VWC2L: variants seen among roughly 807,000 people sequenced by gnomAD.
VWC2L encodes the protein von Willebrand factor C domain-containing protein 2-like.
A neutral mutation model predicts 21.6 loss-of-function variants in VWC2L; 10 were observed. The ratio of observed to expected loss-of-function variants is 0.46; its 90% CI spans 0.29 to 0.78. The LOEUF is 0.78. VWC2L is among the 30% of genes least tolerant of loss of function. The probability of loss-of-function intolerance (pLI) is 0.10; values close to 1 mark genes in which losing one functional copy is unlikely to be tolerated. For synonymous variants in VWC2L, 96 were observed against 94.3 expected (o/e 1.02, Z -0.10); for missense variants, 209 against 277.1 (o/e 0.75, Z 1.74).
At chr2:214,473,320 A>C (rs150019308) in intron 3 of VWC2L, among the ~76,000 whole-genome samples, 159 of 152,322 alleles carry the variant, frequency 1.0e-3, no homozygotes, top group African/African-American at 3.7e-3. Flanking sequence ...TGTAACAGAT[A>C]AACCCCCAAT....
chr2:214,561,103 A>G (rs6724852), intron 3 of VWC2L, among the ~76,000 whole-genome samples: 111,457 of 152,132 alleles, frequency 0.73, 41,376 homozygotes, highest in East Asian at 0.83. Flanking sequence ...TTTAGCCTGC[A>G]TCAGACTTAT....
At chr2:214,563,285 C>G (rs188980764) in intron 3 of VWC2L, among the ~76,000 whole-genome samples, 5 of 151,944 alleles carry the variant, frequency 3.3e-5, no homozygotes, top group African/African-American at 1.2e-4. Flanking sequence ...CGGTGGTGCA[C>G]GCCTGTAATC....
chr2:214,432,774 C>A (rs558645530), intron 2 of VWC2L, among the ~76,000 whole-genome samples: 1 of 152,228 alleles, frequency 6.6e-6, no homozygotes, highest in Non-Finnish European at 1.5e-5. Flanking sequence ...ATAGTCCTAG[C>A]ACTTTGGGAG....
At chr2:214,536,173 T>C (rs1186693656) in intron 3 of VWC2L, among the ~76,000 whole-genome samples, 1 of 152,152 alleles carries the variant, frequency 6.6e-6, no homozygotes, top group Non-Finnish European at 1.5e-5. Context: ...AATGTTGGAA[T>C]GTTGAATTAA....
At chr2:214,561,898 T>G (rs978064283) in intron 3 of VWC2L, among the ~76,000 whole-genome samples, 2 of 151,204 alleles carry the variant, frequency 1.3e-5, no homozygotes, top group African/African-American at 4.9e-5. Flanking sequence ...ATTTTCAACA[T>G]GTAATTGATA....
Position 214,492,295 on chromosome 2 carries a change from C to T in VWC2L, c.520+55537C>T, listed in dbSNP as rs116552844. Among the ~76,000 whole-genome samples, 523 of 152,230 alleles carry T rather than the reference C, an allele frequency of 3.4e-3. 3 individuals carry two copies. Among genetic ancestry groups the T allele is most frequent in the African/African-American group, 0.012 (485 of 41,540 alleles). On this transcript the variant is annotated intron_variant, in intron 3 of 3. Coordinates refer to ENST00000312504, the MANE Select transcript of VWC2L (RefSeq NM_001080500.4). Reference sequence around the variant, plus strand: ...GTAGAGGTTGGGATCAGGGATGCACCGCACTCAGAGTGTGATGTGTGACAA... The same window carrying T: ...GTAGAGGTTGGGATCAGGGATGCACTGCACTCAGAGTGTGATGTGTGACAA...
chr2:214,565,214 T>C (rs1216265863), intron 3 of VWC2L, among the ~76,000 whole-genome samples: 1 of 151,880 alleles, frequency 6.6e-6, no homozygotes, highest in African/African-American at 2.4e-5. Context: ...TTTTAAGCAA[T>C]AAGAAAAAAA....
At chr2:214,476,508 G>A (rs73987347) in intron 3 of VWC2L, among the ~76,000 whole-genome samples, 9,798 of 152,016 alleles carry the variant, frequency 0.064, 1,008 homozygotes, top group African/African-American at 0.22. Flanking sequence ...TAACTTACCC[G>A]GCTTTCCATA....
chr2:214,522,893 A>G (rs1414063729), intron 3 of VWC2L, among the ~76,000 whole-genome samples: 1 of 152,206 alleles, frequency 6.6e-6, no homozygotes, highest in African/African-American at 2.4e-5. Context: ...TACGGAAAAA[A>G]TAAAGAATAT....
At chr2:214,546,729 G>A (rs1318640362) in intron 3 of VWC2L, among the ~76,000 whole-genome samples, 1 of 152,010 alleles carries the variant, frequency 6.6e-6, no homozygotes, top group East Asian at 1.9e-4. Context: ...ATAGAAAATT[G>A]TTTTTAGCAA....
intron 3 of VWC2L, among the ~76,000 whole-genome samples, chr2:214,540,547 C>G (rs1689609933): frequency 1.3e-5 from 2 of 152,166 alleles, no homozygotes. Context: ...ATCTTTAACT[C>G]TGGCCTATAA....
chr2:214,478,526 G>C (rs1347792873), intron 3 of VWC2L, among the ~76,000 whole-genome samples: 1 of 151,676 alleles, frequency 6.6e-6, no homozygotes, highest in Non-Finnish European at 1.5e-5. Context: ...TGCTGATTTT[G>C]TATGTGAATA....
chr2:214,509,369 T>G (rs1444302520), intron 3 of VWC2L, among the ~76,000 whole-genome samples: 1 of 152,186 alleles, frequency 6.6e-6, no homozygotes, highest in Non-Finnish European at 1.5e-5. Context: ...CTATTATAAC[T>G]CTACTTGCTA....
chr2:214,428,098 G>A (rs999828068), intron 2 of VWC2L, among the ~76,000 whole-genome samples: 2 of 152,190 alleles, frequency 1.3e-5, no homozygotes, highest in African/African-American at 2.4e-5. Context: ...CACAGCCATT[G>A]CAAATGGACG....
At chr2:214,417,305 T>C (rs1479856572) in intron 2 of VWC2L, among the ~76,000 whole-genome samples, 1 of 151,940 alleles carries the variant, frequency 6.6e-6, no homozygotes, top group Non-Finnish European at 1.5e-5. Context: ...GAAACCAAAA[T>C]CTCTGCTCAC....
At chr2:214,474,960 T>C (rs1327284284) in intron 3 of VWC2L, among the ~76,000 whole-genome samples, 1 of 152,160 alleles carries the variant, frequency 6.6e-6, no homozygotes, top group African/African-American at 2.4e-5. Flanking sequence ...CTTTGGTTCC[T>C]TGTGGAAATG....
At chr2:214,472,853 C>T (rs1280808458) in intron 3 of VWC2L, among the ~76,000 whole-genome samples, 1 of 152,170 alleles carries the variant, frequency 6.6e-6, no homozygotes, top group Non-Finnish European at 1.5e-5. Flanking sequence ...TGATGGCAGG[C>T]TTGTCATTTC....
intron 2 of VWC2L, among the ~76,000 whole-genome samples, chr2:214,422,802 A>G (rs1426918691): frequency 6.6e-6 from 1 of 152,240 alleles, no homozygotes; most frequent in East Asian, 1.9e-4. Context: ...TAAAGTGACA[A>G]GAAAGATCAT....
At chr2:214,558,427 T>C (rs533005605) in intron 3 of VWC2L, among the ~76,000 whole-genome samples, 1 of 152,328 alleles carries the variant, frequency 6.6e-6, no homozygotes, top group African/African-American at 2.4e-5. Context: ...TCAAACTTTC[T>C]AACATTGACC....
Sources: gnomAD v4.1 joint callset for allele counts (sites outside exome capture counted in the v4.1 genomes callset) on GRCh38, gnomAD v4.1.1 for gene constraint, MANE v1.5 for transcripts, NCBI Gene and HGNC (gene_info 2026-07-23, HGNC 2026-07-21) for gene names.